GSN: variants seen among roughly 807,000 people sequenced by gnomAD.
GSN encodes the protein gelsolin, also known as actin-depolymerizing factor.
In GSN, 56 loss-of-function variants were observed where a neutral mutation model predicts 85.7. The observed-to-expected ratio is 0.65, with a 90% confidence interval of 0.53 to 0.82. The LOEUF (loss-of-function observed/expected upper bound fraction) is 0.82. GSN is among the 40% of genes least tolerant of loss of function. The probability of loss-of-function intolerance (pLI) is 0.00; values close to 1 mark genes in which losing one functional copy is unlikely to be tolerated. For synonymous variants in GSN, 373 were observed against 399.1 expected, an observed-to-expected ratio of 0.93 and a Z score of 0.78; for missense variants, 857 against 979.8, an observed-to-expected ratio of 0.87 and a Z score of 1.67.
intron 5 of GSN, among the ~76,000 whole-genome samples, chr9:121,234,112 C>T (rs1340001988): frequency 6.6e-6 from 1 of 152,054 alleles, no homozygotes; most frequent in Non-Finnish European, 1.5e-5. Flanking sequence ...GGGATGCAAA[C>T]ACAAAGGGTG....
chr9:121,283,110 G>A (rs2057603009), intron 2 of GSN: 1 of 167,136 alleles, frequency 6.0e-6, no homozygotes, highest in Non-Finnish European at 1.5e-5. Flanking sequence ...TTGCTTCTGG[G>A]AGGCTGCACT....
intron 4 of GSN, among the ~76,000 whole-genome samples, chr9:121,218,599 C>T (rs1287102204): frequency 6.6e-6 from 1 of 152,176 alleles, no homozygotes; most frequent in African/African-American, 2.4e-5. Flanking sequence ...CGCACCACTG[C>T]ACTCCAGCCT....
chr9:121,209,973 G>A (rs765058471), intron 2 of GSN, among the ~76,000 whole-genome samples: 3 of 152,154 alleles, frequency 2.0e-5, no homozygotes, highest in Non-Finnish European at 4.4e-5. Context: ...TATTCTTTGT[G>A]CCATGAACAC....
upstream of GSN, among the ~76,000 whole-genome samples, chr9:121,206,525 C>T (rs2053883657): frequency 6.6e-6 from 1 of 152,102 alleles, no homozygotes; most frequent in South Asian, 2.1e-4. Context: ...TCTCCCCATA[C>T]ACCTTATACC....
chr9:121,226,930 A>G (rs1271167203), intron 4 of GSN, among the ~76,000 whole-genome samples: 1 of 152,154 alleles, frequency 6.6e-6, no homozygotes, highest in Non-Finnish European at 1.5e-5. Flanking sequence ...AATATCCCTG[A>G]AGTATGAGGT....
chr9:121,257,082 T>TA (rs1309004796), intron 6 of GSN, among the ~76,000 whole-genome samples: 2 of 152,164 alleles, frequency 1.3e-5, no homozygotes, highest in Non-Finnish European at 2.9e-5. Flanking sequence ...ACATTGTATA[T>TA]GCATGTGTCA....
intron 2 of GSN, among the ~76,000 whole-genome samples, chr9:121,292,913 T>A (rs866674383): frequency 6.6e-6 from 1 of 152,194 alleles, no homozygotes; most frequent in African/African-American, 2.4e-5. Flanking sequence ...ATTTATGGTC[T>A]CATTTAATCG....
rs1281646392 is a variant in GSN at position 121,299,463 on chromosome 9, T to G, written c.-9-2500T>G. 1 of 985,200 alleles carries G rather than the reference T, an allele frequency of 1.0e-6. No individual in the cohort carries two copies. The highest frequency in any genetic ancestry group is 1.2e-6 in the Non-Finnish European group (1 of 829,782). The allele number at this position is 985,200 out of a possible 1,614,324, so 61.0% of individuals were successfully genotyped here. ...ACCCTCTCTGAAAAGGATGTGCTGA[T>G]GCCTCGGTGAAAAGCTTTCAAAAAT... On this transcript the variant is annotated intron_variant, in intron 2 of 17. Coordinates refer to ENST00000432226, the MANE Select transcript of GSN (RefSeq NM_198252.3). This position sits in a 1 kb window ranked among gnomAD's most constrained non-coding sequence, Gnocchi z 4.2.
At chr9:121,212,700 G>A (rs1167425721) in intron 4 of GSN, among the ~76,000 whole-genome samples, 1 of 150,620 alleles carries the variant, frequency 6.6e-6, no homozygotes, top group Non-Finnish European at 1.5e-5. Context: ...ATGGAGTGCA[G>A]TGGTGTGATC....
intron 5 of GSN, among the ~76,000 whole-genome samples, chr9:121,232,095 G>T (rs537705515): frequency 6.6e-6 from 1 of 152,238 alleles, no homozygotes; most frequent in Admixed American, 6.5e-5. Context: ...AAAAGCATTT[G>T]CAGCTATTCC....
intron 10 of GSN, 40 bp from the exon 11 acceptor site, chr9:121,321,228 G>A (rs1171054963): frequency 6.2e-7 from 1 of 1,611,230 alleles, no homozygotes; most frequent in Non-Finnish European, 8.5e-7. Flanking sequence ...TGGGGGGTGG[G>A]GGTGCTGCAC....
intron 13 of GSN, 140 bp downstream of exon 13, chr9:121,326,822 C>T (rs570056106): frequency 3.7e-5 from 31 of 847,686 alleles, no homozygotes; most frequent in South Asian, 5.3e-5. Flanking sequence ...ATTTTCCTGC[C>T]GTGGCCACAG....
At chr9:121,292,925 C>G (rs907535252) in intron 2 of GSN, among the ~76,000 whole-genome samples, 2 of 152,204 alleles carry the variant, frequency 1.3e-5, no homozygotes, top group African/African-American at 4.8e-5. Flanking sequence ...ATTTAATCGT[C>G]TCAACTAGCC....
chr9:121,281,933 C>A (rs1364492274), intron 2 of GSN: 4 of 471,424 alleles, frequency 8.5e-6, no homozygotes, highest in Non-Finnish European at 8.8e-6. Flanking sequence ...TGCAGGAATT[C>A]TTCCCAGAGG....
Position 121,329,287 on chromosome 9 carries a change from A to T in GSN, c.1937A>T (p.Asp646Val), listed in dbSNP as rs1303548812. Residue 646 changes from aspartate to valine, a missense_variant, in exon 16 of 18, where the codon GAC becomes GTC. Transcript: ENST00000432226. The surrounding 1 kb of genome is among the most constrained non-coding windows in gnomAD (Gnocchi z 4.6). Reference protein sequence around the residue: ...ELMQEDLATDDVMLLDTWDQV... With the variant: ...ELMQEDLATDVVMLLDTWDQV... Reference sequence around the variant, plus strand: ...ATGCAGGAAGACCTGGCAACGGATGACGTCATGCTTCTGGACACCTGGGAC... The same window carrying T: ...ATGCAGGAAGACCTGGCAACGGATGTCGTCATGCTTCTGGACACCTGGGAC... 1.2e-6 allele frequency: 2 copies of T among 1,611,050 alleles called. No individual in the cohort carries two copies. The highest frequency in any genetic ancestry group is 1.7e-6 in the Non-Finnish European group (2 of 1,177,238).
Position 121,302,920 on chromosome 9 carries a change from G to A in GSN, c.206G>A (p.Cys69Tyr), listed in dbSNP as rs2060036095. ...YDLHYWLGNE[C>Y]SQDESGAAAI... ...CTCTGATGTCCCGTAGGCAATGAGT[G>A]CAGCCAGGATGAGAGCGGGGCGGCC... Residue 69 changes from cysteine (C) to tyrosine (Y), a missense_variant, in exon 4 of 18, where the codon TGC becomes TAC. Cys to Tyr is a radical substitution (Grantham distance 194). Transcript: ENST00000432226. 6.2e-7 allele frequency: 1 copy of A among 1,613,722 alleles called. No individual in the cohort carries two copies. Among genetic ancestry groups the A allele is most frequent in the African/African-American group, 1.3e-5 (1 of 74,940 alleles).
At chr9:121,289,038 A>G (rs2058419781) in intron 2 of GSN, among the ~76,000 whole-genome samples, 1 of 152,196 alleles carries the variant, frequency 6.6e-6, no homozygotes. Flanking sequence ...AGCTATGGCA[A>G]CTGGGCAGGC....
Position 121,318,074 on chromosome 9 carries a change from T to C in GSN, c.887-332T>C, listed in dbSNP as rs909897204. ...ATTTAATCTCTCTAAGACCCTAGCT[T>C]CCTTATAGATACTCAGAAAAAGATA... On this transcript the variant is annotated intron_variant, in intron 8 of 17. Coordinates refer to ENST00000432226, the MANE Select transcript of GSN (RefSeq NM_198252.3). The surrounding 1 kb of genome is among the most constrained non-coding windows in gnomAD (Gnocchi z 4.3). 6.6e-6 allele frequency among the ~76,000 whole-genome samples: 1 copy of C among 152,228 alleles called. No homozygotes were observed. Among genetic ancestry groups the C allele is most frequent in the Admixed American group, 6.5e-5 (1 of 15,280 alleles).
rs1249941937 is a variant in GSN at position 121,332,148 on chromosome 9, CCCATATCTT to C, written c.2027-282_2027-274del. Among the ~76,000 whole-genome samples the C allele has an allele frequency of 6.6e-6, 1 of 152,032 alleles. No homozygotes were observed. Among genetic ancestry groups the C allele is most frequent in the Non-Finnish European group, 1.5e-5 (1 of 68,006 alleles). The stretch of plus-strand genomic sequence containing the variant: ...TGAGCTGGGAACCCAAAAGTTGGTT[CCCATATCTT>C]CCAGTAGGGGACTGCAAGGGAAAGT... On this transcript the variant is annotated intron_variant, in intron 17 of 17. Coordinates refer to ENST00000432226, the MANE Select transcript of GSN (RefSeq NM_198252.3). This position sits in a 1 kb window ranked among gnomAD's most constrained non-coding sequence, Gnocchi z 4.8.
Sources: allele counts gnomAD v4.1 joint callset (sites outside exome capture counted in the v4.1 genomes callset), GRCh38; gene constraint gnomAD v4.1.1; non-coding constraint Gnocchi (gnomAD v3.1); transcripts MANE v1.5; gene names NCBI Gene and HGNC (gene_info 2026-07-23, HGNC 2026-07-21).